PDE9A: variants seen among roughly 807,000 people sequenced by gnomAD.
The protein encoded by PDE9A is high affinity cGMP-specific 3',5'-cyclic phosphodiesterase 9A.
PDE9A carries 60 observed loss-of-function variants against 87.4 expected under a neutral mutation model. The observed-to-expected ratio is 0.69, with a 90% confidence interval of 0.56 to 0.85. The LOEUF is 0.85. PDE9A is among the 40% of genes least tolerant of loss of function. PDE9A has a pLI of 0.00. For synonymous variants in PDE9A, 272 were observed against 279.4 expected, an observed-to-expected ratio of 0.97 and a Z score of 0.27; for missense variants, 665 against 779.0, an observed-to-expected ratio of 0.85 and a Z score of 1.74.
At position 42,762,158 on chromosome 21, in the gene PDE9A, C is replaced by G. The variant is rs1325240878; in HGVS notation, c.1161C>G (p.Ala387=). 1.2e-6 allele frequency: 2 copies of G among 1,614,116 alleles called. No homozygotes were observed. The highest frequency in any genetic ancestry group is 4.5e-5 in the East Asian group (2 of 44,874). Reference sequence around the variant, plus strand: ...CACCGCTGGAGAACCACCACTGCGCCGTGGCCTTCCAGATCCTCGCCGAGC... The same window carrying G: ...CACCGCTGGAGAACCACCACTGCGCGGTGGCCTTCCAGATCCTCGCCGAGC... The part of the protein sequence containing the change: ...DISPLENHHC[A]VAFQILAEPE... Residue 387 remains alanine (A), a synonymous_variant, in exon 14 of 20, where the codon GCC becomes GCG. Coordinates refer to ENST00000291539, the MANE Select transcript of PDE9A (RefSeq NM_002606.3).
Position 42,694,817 on chromosome 21 carries a change from G to A in PDE9A, c.219-4151G>A, listed in dbSNP as rs2060055306. Among the ~76,000 whole-genome samples, 3 of 152,146 alleles carry A rather than the reference G, an allele frequency of 2.0e-5. No homozygotes were observed. Among genetic ancestry groups the A allele is most frequent in the South Asian group, 4.1e-4 (2 of 4,834 alleles). ...CATGGAGTTCTCCAGTGGCCTGTTG[G>A]CTACAGGACACTCTCCAGCCCCCCG... On this transcript the variant is annotated intron_variant, in intron 3 of 19. Coordinates refer to ENST00000291539, the MANE Select transcript of PDE9A (RefSeq NM_002606.3). This position sits in a 1 kb window ranked among gnomAD's most constrained non-coding sequence, Gnocchi z 5.3.
At chr21:42,728,768 G>A (rs1256502713) in intron 4 of PDE9A, among the ~76,000 whole-genome samples, 1 of 152,158 alleles carries the variant, frequency 6.6e-6, no homozygotes, top group Non-Finnish European at 1.5e-5. Context: ...GGGAGGCCAA[G>A]GCAGGCAGAT....
intron 7 of PDE9A, among the ~76,000 whole-genome samples, chr21:42,736,023 C>G (rs958982553): frequency 2.0e-5 from 3 of 152,140 alleles, no homozygotes; most frequent in East Asian, 3.9e-4. Context: ...CAAAAAGCCA[C>G]GCAGTCACTA....
chr21:42,693,447 C>T (rs187536961), intron 3 of PDE9A, among the ~76,000 whole-genome samples: 52 of 151,866 alleles, frequency 3.4e-4, no homozygotes, highest in African/African-American at 9.4e-4. Context: ...TACAGGCGCC[C>T]GCCACCACGC....
At chr21:42,656,505 C>T (rs896816879) in intron 1 of PDE9A, among the ~76,000 whole-genome samples, 6 of 152,246 alleles carry the variant, frequency 3.9e-5, no homozygotes, top group Admixed American at 1.3e-4. Flanking sequence ...CAGCAAGTGC[C>T]GGTGTCTCCT....
chr21:42,728,954 C>T (rs916248367), intron 4 of PDE9A, among the ~76,000 whole-genome samples: 1 of 145,404 alleles, frequency 6.9e-6, no homozygotes, highest in African/African-American at 2.6e-5. Context: ...GAGCTGGGAT[C>T]ATACCACTGC....
At chr21:42,670,387 TACATTCACAA>T (rs2058429399) in intron 1 of PDE9A, among the ~76,000 whole-genome samples, 2 of 107,028 alleles carry the variant, frequency 1.9e-5, no homozygotes, top group East Asian at 3.3e-4. Flanking sequence ...CATTCACATT[TACATTCACAA>T]ACATTCACAC....
rs555762842 is a variant in PDE9A at position 42,772,365 on chromosome 21, C to T, written c.1687-74C>T. 6 of 970,158 alleles carry T rather than the reference C, an allele frequency of 6.2e-6. No homozygotes were observed. The East Asian group carries it at 1.3e-4, about 21-fold the overall frequency. 60.1% of individuals were successfully genotyped at this position (970,158 alleles called of 1,614,324 possible). A position where few individuals can be genotyped will look rare whatever the true frequency, so the allele number is the denominator to read the frequency against. ...TTGCAGCACCTCCAGGCAACAGAAG[C>T]TGCTGGGAGAGAGGCAGACACTCCC... On this transcript the variant is annotated intron_variant, in intron 18 of 19. Transcript: ENST00000291539.
chr21:42,712,581 G>T (rs111728534), intron 4 of PDE9A, among the ~76,000 whole-genome samples: 6 of 152,106 alleles, frequency 3.9e-5, no homozygotes, highest in Non-Finnish European at 7.4e-5. Context: ...AGACGTCCTC[G>T]CCTTGTTCCC....
chr21:42,698,841 ATAAAAAT>A (rs2060283073), intron 3 of PDE9A, 120 bp from the exon 4 acceptor site: 1 of 564,040 alleles, frequency 1.8e-6, no homozygotes, highest in East Asian at 3.0e-5. Flanking sequence ...AATTTAAAAA[ATAAAAAT>A]AAATAAAAAG....
chr21:42,653,858 TG>T lies in PDE9A; in HGVS notation c.46del (p.Asp16ThrfsTer9). 6.4e-7 allele frequency: 1 copy of T among 1,565,274 alleles called. No homozygotes were observed. Among genetic ancestry groups the T allele is most frequent in the Non-Finnish European group, 8.7e-7 (1 of 1,155,602 alleles). ...AGCTACCGGCCCAAGGCCATCTACC[TG>T]GACATCGATGGACGCATTCAGAAGG... ...SSSYRPKAIY[L>X]DIDGRIQKVI... On this transcript the variant is annotated frameshift_variant, in exon 1 of 20. Coordinates refer to ENST00000291539, the MANE Select transcript of PDE9A (RefSeq NM_002606.3). LOFTEE classifies it high-confidence loss of function.
chr21:42,689,474 T>C (rs1379604686), intron 3 of PDE9A: 1 of 925,020 alleles, frequency 1.1e-6, no homozygotes, highest in Non-Finnish European at 1.3e-6. Flanking sequence ...GCAAAGTCAC[T>C]GAGTGACCTG....
chr21:42,686,287 C>T (rs2059464950), intron 2 of PDE9A, 25 bp downstream of exon 2: 1 of 1,599,350 alleles, frequency 6.3e-7, no homozygotes, highest in African/African-American at 1.3e-5. Flanking sequence ...CGGGCTCTGC[C>T]CGGTGACGCC....
intron 7 of PDE9A, among the ~76,000 whole-genome samples, chr21:42,735,782 C>T (rs2052342247): frequency 6.6e-6 from 1 of 152,214 alleles, no homozygotes; most frequent in African/African-American, 2.4e-5. Flanking sequence ...CCTTTTTCTA[C>T]ATAAGGTCCC....
intron 1 of PDE9A, among the ~76,000 whole-genome samples, chr21:42,673,911 A>G (rs1335086931): frequency 6.6e-6 from 1 of 152,256 alleles, no homozygotes; most frequent in Admixed American, 6.5e-5. Flanking sequence ...GAACGGCCTC[A>G]CAGACACTGA....
At chr21:42,758,953 C>T in intron 10 of PDE9A, 46 bp from the exon 11 acceptor site, 1 of 1,446,132 alleles carries the variant, frequency 6.9e-7, no homozygotes, top group Non-Finnish European at 9.7e-7. Flanking sequence ...GGCTGGGGAG[C>T]CGGCCACACA....
intron 2 of PDE9A, 122 bp from the exon 3 acceptor site, chr21:42,687,795 C>T (rs2059557362): frequency 2.6e-6 from 2 of 772,298 alleles, no homozygotes; most frequent in South Asian, 1.5e-5. Flanking sequence ...CCCACCACAC[C>T]TTGGTCAGGC....
intron 13 of PDE9A, among the ~76,000 whole-genome samples, chr21:42,761,357 A>G (rs1454397031): frequency 1.3e-5 from 2 of 152,230 alleles, no homozygotes; most frequent in Admixed American, 1.3e-4. Context: ...GAGGGGGAGA[A>G]GAGGGACTGC....
chr21:42,655,894 T>C (rs973744301), intron 1 of PDE9A, among the ~76,000 whole-genome samples: 2 of 148,606 alleles, frequency 1.3e-5, no homozygotes, highest in African/African-American at 4.9e-5. Flanking sequence ...GTGAACCCCG[T>C]TGGAAGCTCC....
Sources: allele counts gnomAD v4.1 joint callset (sites outside exome capture counted in the v4.1 genomes callset), GRCh38; gene constraint gnomAD v4.1.1; non-coding constraint Gnocchi (gnomAD v3.1); transcripts MANE v1.5; gene names NCBI Gene and HGNC (gene_info 2026-07-23, HGNC 2026-07-21).